MSRA: variants seen among roughly 807,000 people sequenced by gnomAD.
MSRA encodes the protein mitochondrial peptide methionine sulfoxide reductase.
In MSRA, 54 loss-of-function variants were observed where a neutral mutation model predicts 31.3. The observed-to-expected ratio is 1.73, with a 90% confidence interval of 1.39 to 2.17. The LOEUF (loss-of-function observed/expected upper bound fraction) is 2.17, where lower values mean the gene tolerates loss of function less well. Ranked by LOEUF, MSRA falls within the 30% of genes most tolerant of loss-of-function variation. The pLI, the probability that MSRA is intolerant of heterozygous loss-of-function variation, is 0.00. For synonymous variants in MSRA, 169 were observed against 116.5 expected (o/e 1.45, Z -2.90); for missense variants, 507 against 300.9 (o/e 1.69, Z -5.07).
At chr8:10,289,746 C>A (rs56220175) in intron 3 of MSRA, among the ~76,000 whole-genome samples, 1 of 152,078 alleles carries the variant, frequency 6.6e-6, no homozygotes, top group East Asian at 1.9e-4. Flanking sequence ...AGGTGGAACA[C>A]AGACACTTTT....
chr8:10,363,352 G>A (rs1265491768), intron 5 of MSRA, among the ~76,000 whole-genome samples: 1 of 152,126 alleles, frequency 6.6e-6, no homozygotes, highest in Non-Finnish European at 1.5e-5. Flanking sequence ...TTCCTTCCGT[G>A]ACTCACAGGG....
chr8:10,225,410 G>A (rs1044383481), intron 2 of MSRA, among the ~76,000 whole-genome samples: 1 of 152,186 alleles, frequency 6.6e-6, no homozygotes, highest in Non-Finnish European at 1.5e-5. Context: ...TGATGATAGG[G>A]CCTGGTCTTG....
chr8:10,183,189 C>T (rs532388002), intron 1 of MSRA, among the ~76,000 whole-genome samples: 2 of 152,222 alleles, frequency 1.3e-5, no homozygotes, highest in African/African-American at 4.8e-5. Context: ...TTGGTACTCC[C>T]TTGACTCCCT....
intron 1 of MSRA, among the ~76,000 whole-genome samples, chr8:10,077,942 C>G (rs927779218): frequency 2.6e-5 from 4 of 152,114 alleles, no homozygotes; most frequent in African/African-American, 9.7e-5. Context: ...ATCTTATTCA[C>G]CCTAATATTA....
rs1407834334 is a variant in MSRA, at chr8:10,319,879, C to G, written c.437-4C>G. ...GTAACCCTCCCTGTTTTCTGCTTTC[C>G]TAGGTATGCGCCAGGGGAACGACCA... On this transcript the variant is annotated splice_polypyrimidine_tract_variant and splice_region_variant and intron_variant, in intron 4 of 5. Transcript: ENST00000317173. The G allele has an allele frequency of 6.6e-7, 1 of 1,517,640 alleles. No individual in the cohort carries two copies. Among genetic ancestry groups the G allele is most frequent in the Non-Finnish European group, 8.9e-7 (1 of 1,128,068 alleles). The allele number at this position is 1,517,640 out of a possible 1,614,324, so 94.0% of individuals were successfully genotyped here.
intron 1 of MSRA, among the ~76,000 whole-genome samples, chr8:10,113,461 G>A (rs1800449740): frequency 6.6e-6 from 1 of 151,588 alleles, no homozygotes; most frequent in Non-Finnish European, 1.5e-5. Flanking sequence ...TAATGGGAGG[G>A]TAGGAGGAGG....
chr8:10,177,200 T>C (rs1585099681), intron 1 of MSRA, among the ~76,000 whole-genome samples: 1 of 152,252 alleles, frequency 6.6e-6, no homozygotes, highest in South Asian at 2.1e-4. Context: ...TTGAACCTCC[T>C]GTGACTTGGA....
At chr8:10,209,028 G>C (rs969239504) in intron 2 of MSRA, among the ~76,000 whole-genome samples, 1 of 152,214 alleles carries the variant, frequency 6.6e-6, no homozygotes, top group African/African-American at 2.4e-5. Context: ...CAGGGACCCA[G>C]TTCCACCTCA....
chr8:10,390,919 T>G (rs1585660187), intron 5 of MSRA, among the ~76,000 whole-genome samples: 1 of 149,078 alleles, frequency 6.7e-6, no homozygotes, highest in African/African-American at 2.5e-5. Flanking sequence ...GAGTTTGCAG[T>G]GAGCCGAGAT....
intron 5 of MSRA, among the ~76,000 whole-genome samples, chr8:10,333,190 C>A (rs896887618): frequency 6.6e-6 from 1 of 152,180 alleles, no homozygotes; most frequent in Non-Finnish European, 1.5e-5. Context: ...CTCCACGGGC[C>A]ACACTCCTAC....
intron 1 of MSRA, among the ~76,000 whole-genome samples, chr8:10,086,505 A>G (rs972241146): frequency 3.3e-5 from 5 of 152,160 alleles, no homozygotes; most frequent in South Asian, 4.2e-4. Flanking sequence ...AAATTTTTCT[A>G]CCCTATATAT....
chr8:10,272,688 C>T (rs1003108055), intron 3 of MSRA, among the ~76,000 whole-genome samples: 1 of 152,234 alleles, frequency 6.6e-6, no homozygotes, highest in Non-Finnish European at 1.5e-5. Flanking sequence ...AGACTACCCT[C>T]AAACGAATTC....
chr8:10,225,674 C>T (rs1395513857), intron 2 of MSRA, among the ~76,000 whole-genome samples: 1 of 152,048 alleles, frequency 6.6e-6, no homozygotes, highest in Non-Finnish European at 1.5e-5. Flanking sequence ...GTTGATGGGC[C>T]GATGTTCTTT....
At chr8:10,184,472 G>C (rs1806843963) in intron 1 of MSRA, among the ~76,000 whole-genome samples, 1 of 152,036 alleles carries the variant, frequency 6.6e-6, no homozygotes, top group African/African-American at 2.4e-5. Flanking sequence ...GGTGAAAATA[G>C]CAGAAAATCC....
At chr8:10,073,828 A>T (rs918597780) in intron 1 of MSRA, among the ~76,000 whole-genome samples, 7 of 152,034 alleles carry the variant, frequency 4.6e-5, no homozygotes, top group Non-Finnish European at 8.8e-5. Context: ...CTGTAGCTTG[A>T]CAGTTACCCT....
chr8:10,096,025 T>A (rs1394863828), intron 1 of MSRA: 6 of 1,460,002 alleles, frequency 4.1e-6, no homozygotes, highest in Admixed American at 2.5e-5. Context: ...AAAGACATCC[T>A]TCGGAATGTG....
intron 2 of MSRA, among the ~76,000 whole-genome samples, chr8:10,216,138 T>G (rs1037179555): frequency 1.3e-5 from 2 of 152,178 alleles, no homozygotes; most frequent in Non-Finnish European, 2.9e-5. Flanking sequence ...TTTTTCTTGT[T>G]CTCATTCTCC....
intron 2 of MSRA, among the ~76,000 whole-genome samples, chr8:10,221,642 C>T (rs568521157): frequency 1.3e-5 from 2 of 152,172 alleles, no homozygotes; most frequent in East Asian, 1.9e-4. Flanking sequence ...GCAGCTTATA[C>T]TCCAGTAGGG....
intron 1 of MSRA, among the ~76,000 whole-genome samples, chr8:10,147,128 C>T (rs554310350): frequency 1.3e-5 from 2 of 152,256 alleles, no homozygotes; most frequent in Non-Finnish European, 2.9e-5. Flanking sequence ...GTCAGCAGGG[C>T]CCGGTGCTGT....
Sources: allele counts gnomAD v4.1 joint callset (sites outside exome capture counted in the v4.1 genomes callset), GRCh38; gene constraint gnomAD v4.1.1; transcripts MANE v1.5; gene names NCBI Gene and HGNC (gene_info 2026-07-23, HGNC 2026-07-21).